The following SGCZ variants were observed in gnomAD, a reference collection of about 807,000 sequenced individuals.
The protein encoded by SGCZ is zeta-sarcoglycan.
SGCZ carries 40 observed loss-of-function variants against 41.3 expected under a neutral mutation model. That is an observed-to-expected ratio of 0.97 (90% CI 0.75 to 1.26). The LOEUF (loss-of-function observed/expected upper bound fraction) is 1.26. Among genes scored for constraint, SGCZ ranks in the 50% most tolerant of loss-of-function variants. The pLI, the probability that SGCZ is intolerant of heterozygous loss-of-function variation, is 0.00. For missense variants in SGCZ, 552 were observed against 369.8 expected (o/e 1.49, Z -4.04); for synonymous variants, 206 against 137.5 (o/e 1.50, Z -3.49).
chr8:14,438,025 C>A (rs992193775), intron 2 of SGCZ, among the ~76,000 whole-genome samples: 1 of 151,674 alleles, frequency 6.6e-6, no homozygotes, highest in African/African-American at 2.4e-5. Context: ...AATCATTAAG[C>A]CATAAACTAC....
chr8:14,166,040 T>A (rs970094562), intron 4 of SGCZ, among the ~76,000 whole-genome samples: 3 of 151,994 alleles, frequency 2.0e-5, no homozygotes, highest in African/African-American at 7.2e-5. Context: ...TAAGCTAATT[T>A]CTCCAAAAGC....
chr8:14,847,311 AT>A (rs1445810387), intron 1 of SGCZ, among the ~76,000 whole-genome samples: 5 of 152,146 alleles, frequency 3.3e-5, no homozygotes, highest in African/African-American at 1.2e-4. Context: ...TAAAGGCATT[AT>A]CTAAAATAGA....
intron 3 of SGCZ, among the ~76,000 whole-genome samples, chr8:14,254,748 CTTT>C (rs71209035): frequency 0.21 from 31,964 of 151,210 alleles, 4,453 homozygotes; most frequent in Non-Finnish European, 0.31. Flanking sequence ...ATCGTGTCGT[CTTT>C]TTTTTTCTGG....
intron 1 of SGCZ, among the ~76,000 whole-genome samples, chr8:14,578,489 C>G (rs896535234): frequency 3.3e-5 from 5 of 152,120 alleles, no homozygotes; most frequent in Non-Finnish European, 7.3e-5. Context: ...AATAACATAT[C>G]AGAGTTATTT....
chr8:14,646,907 AAAG>A (rs1807239861), intron 1 of SGCZ, among the ~76,000 whole-genome samples: 1 of 151,976 alleles, frequency 6.6e-6, no homozygotes, highest in Non-Finnish European at 1.5e-5. Flanking sequence ...TTTCAAAAAT[AAAG>A]AAGACTTTAT....
chr8:14,795,708 G>T (rs975593051), intron 1 of SGCZ, among the ~76,000 whole-genome samples: 1 of 152,088 alleles, frequency 6.6e-6, no homozygotes, highest in African/African-American at 2.4e-5. Context: ...GGGTACAAGT[G>T]CATATTAATT....
intron 1 of SGCZ, among the ~76,000 whole-genome samples, chr8:15,183,254 T>C (rs1800231462): frequency 6.6e-6 from 1 of 152,252 alleles, no homozygotes; most frequent in African/African-American, 2.4e-5. Flanking sequence ...TATCAAGTAT[T>C]ATATACTGTA....
At chr8:14,288,229 A>G (rs1800709054) in intron 3 of SGCZ, among the ~76,000 whole-genome samples, 1 of 152,112 alleles carries the variant, frequency 6.6e-6, no homozygotes, top group Admixed American at 6.6e-5. Flanking sequence ...AATCTCTTAA[A>G]TTAATTTAGC....
rs184145027 is a variant in SGCZ, at chr8:14,711,928, C to T, written c.40-157002G>A. Among the ~76,000 whole-genome samples, 272 of 152,202 alleles carry T rather than the reference C, an allele frequency of 1.8e-3. 2 individuals carry two copies. In the East Asian group the frequency reaches 0.021, roughly 12 times the overall value. Reference sequence around the variant, plus strand: ...CTCTCAGGTTCCTATGTAGGCAAACCAAAATCCAACTCAGTGCAAATCTTC... The same window carrying T: ...CTCTCAGGTTCCTATGTAGGCAAACTAAAATCCAACTCAGTGCAAATCTTC... On this transcript the variant is annotated intron_variant, in intron 1 of 7. Transcript: ENST00000382080.
At chr8:14,659,732 T>A (rs750024879) in intron 1 of SGCZ, among the ~76,000 whole-genome samples, 1 of 152,130 alleles carries the variant, frequency 6.6e-6, no homozygotes, top group Non-Finnish European at 1.5e-5. Flanking sequence ...GAAGCAATAG[T>A]GCTGATATTG....
chr8:14,417,882 GA>G (rs1799538773), intron 2 of SGCZ, among the ~76,000 whole-genome samples: 1 of 151,800 alleles, frequency 6.6e-6, no homozygotes, highest in Admixed American at 6.6e-5. Context: ...AAAGTTGGGA[GA>G]AAAAAGAACC....
chr8:14,713,695 G>GAAAA (rs34836703), intron 1 of SGCZ, among the ~76,000 whole-genome samples: 1 of 127,878 alleles, frequency 7.8e-6, no homozygotes, highest in Non-Finnish European at 1.7e-5. Context: ...TGCCGCAAAA[G>GAAAA]AAAAAAAAAA....
intron 5 of SGCZ, among the ~76,000 whole-genome samples, chr8:14,157,921 C>T (rs1177394008): frequency 6.6e-6 from 1 of 152,148 alleles, no homozygotes; most frequent in Non-Finnish European, 1.5e-5. Context: ...GTAGCTCATG[C>T]CTGTAATCCC....
chr8:14,527,828 G>A (rs10503499), intron 2 of SGCZ, among the ~76,000 whole-genome samples: 1 of 151,918 alleles, frequency 6.6e-6, no homozygotes, highest in Non-Finnish European at 1.5e-5. Flanking sequence ...ACAATTCTTA[G>A]GCTCTCATAT....
intron 1 of SGCZ, among the ~76,000 whole-genome samples, chr8:14,985,358 T>G (rs763375257): frequency 3.9e-5 from 6 of 152,188 alleles, no homozygotes; most frequent in Non-Finnish European, 8.8e-5. Context: ...CATATTTTCA[T>G]GCTTTCTCTG....
intron 1 of SGCZ, among the ~76,000 whole-genome samples, chr8:15,061,343 T>C (rs752299432): frequency 7.9e-5 from 12 of 151,636 alleles, no homozygotes; most frequent in African/African-American, 1.9e-4. Context: ...TGAGAACACA[T>C]GGACACAGGG....
At chr8:15,132,614 T>G (rs1412962906) in intron 1 of SGCZ, among the ~76,000 whole-genome samples, 1 of 152,210 alleles carries the variant, frequency 6.6e-6, no homozygotes, top group Non-Finnish European at 1.5e-5. Flanking sequence ...AGAAAGACTT[T>G]GTAACAGTGA....
chr8:14,170,291 G>C (rs1871100), intron 4 of SGCZ, among the ~76,000 whole-genome samples: 43,187 of 151,932 alleles, frequency 0.28, 6,774 homozygotes, highest in East Asian at 0.67. Flanking sequence ...AAAACATTCT[G>C]AGGTGAATTT....
At chr8:14,631,434 G>C (rs973781729) in intron 1 of SGCZ, among the ~76,000 whole-genome samples, 4 of 151,788 alleles carry the variant, frequency 2.6e-5, no homozygotes, top group Non-Finnish European at 4.4e-5. Flanking sequence ...CTTGAAACTG[G>C]CCATAGTGGA....
Sources: gnomAD v4.1 joint callset for allele counts (sites outside exome capture counted in the v4.1 genomes callset) on GRCh38, gnomAD v4.1.1 for gene constraint, MANE v1.5 for transcripts, NCBI Gene and HGNC (gene_info 2026-07-23, HGNC 2026-07-21) for gene names.